Variants in FAM135B observed in about 807,000 individuals in gnomAD.
FAM135B encodes family with sequence similarity 135 member B.
In FAM135B, 43 loss-of-function variants were observed where a neutral mutation model predicts 127.7. That is an observed-to-expected ratio of 0.34 (90% CI 0.26 to 0.43). FAM135B has a LOEUF of 0.43. Among genes scored for constraint, FAM135B ranks in the 20% least tolerant of loss-of-function variants. FAM135B has a pLI of 1.00. For synonymous variants in FAM135B, 670 were observed against 665.1 expected (o/e 1.01, Z -0.11); for missense variants, 1,558 against 1,725.6 (o/e 0.90, Z 1.72).
At chr8:138,332,658 G>A (rs1322297000) in intron 2 of FAM135B, among the ~76,000 whole-genome samples, 6 of 151,974 alleles carry the variant, frequency 3.9e-5, no homozygotes, top group South Asian at 2.1e-4. Context: ...AAGCAGGGGC[G>A]TGTGGTGCAT....
chr8:138,405,026 A>G (rs1309256204), intron 1 of FAM135B, among the ~76,000 whole-genome samples: 2 of 152,106 alleles, frequency 1.3e-5, no homozygotes, highest in African/African-American at 4.8e-5. Context: ...AGGAATCACT[A>G]CCTATTGCAG....
At chr8:138,191,507 A>G (rs1257320505) in intron 9 of FAM135B, among the ~76,000 whole-genome samples, 1 of 152,160 alleles carries the variant, frequency 6.6e-6, no homozygotes, top group African/African-American at 2.4e-5. Context: ...TCTAGGTGCC[A>G]GGAGCCCTTC....
chr8:138,163,435 C>T (rs932196114), intron 12 of FAM135B, among the ~76,000 whole-genome samples: 2 of 152,110 alleles, frequency 1.3e-5, no homozygotes, highest in African/African-American at 4.8e-5. Context: ...TGTCCCCACC[C>T]AAACCTTATC....
chr8:138,223,975 A>G (rs1819219404), intron 7 of FAM135B, among the ~76,000 whole-genome samples: 1 of 152,132 alleles, frequency 6.6e-6, no homozygotes, highest in South Asian at 2.1e-4. Context: ...AGTGGGAGCT[A>G]AACATTGGGT....
chr8:138,489,771 C>A (rs928161040), intron 1 of FAM135B, among the ~76,000 whole-genome samples: 1 of 152,150 alleles, frequency 6.6e-6, no homozygotes, highest in Non-Finnish European at 1.5e-5. Flanking sequence ...ACTCTCTCAA[C>A]CCCTGCTCTC....
chr8:138,218,136 T>TA (rs1427038339), intron 7 of FAM135B, among the ~76,000 whole-genome samples: 1 of 152,172 alleles, frequency 6.6e-6, no homozygotes, highest in Non-Finnish European at 1.5e-5. Context: ...AATGAGACTT[T>TA]AGGGGAAAAT....
intron 9 of FAM135B, among the ~76,000 whole-genome samples, chr8:138,189,814 G>T (rs941923709): frequency 2.0e-5 from 3 of 152,162 alleles, no homozygotes; most frequent in Admixed American, 1.3e-4. Flanking sequence ...GCTTCAATAC[G>T]GTACCTGTAT....
In FAM135B at chr8:138,442,252, A is replaced by ATG. The variant is rs1401709440; in HGVS notation, c.-20+54418_-20+54419insCA. ...ATATGGACACCATATATATATATATATATATATATATATATATATATATAT... is the reference window on the plus strand; with the variant it reads ...ATATGGACACCATATATATATATATATGTATATATATATATATATATATATAT... On this transcript the variant is annotated intron_variant, in intron 1 of 19. Coordinates refer to ENST00000395297, the MANE Select transcript of FAM135B (RefSeq NM_015912.4). 5.1e-5 allele frequency among the ~76,000 whole-genome samples: 6 copies of ATG among 118,028 alleles called. 1 individual carries two copies. Among genetic ancestry groups the ATG allele is most frequent in the Admixed American group, 2.5e-4 (3 of 11,838 alleles). 77.4% of individuals were successfully genotyped at this position (118,028 alleles called of 152,430 possible). A position where few individuals can be genotyped will look rare whatever the true frequency, so the allele number is the denominator to read the frequency against.
At chr8:138,385,819 A>G (rs548597313) in intron 1 of FAM135B, among the ~76,000 whole-genome samples, 4 of 152,274 alleles carry the variant, frequency 2.6e-5, no homozygotes, top group Non-Finnish European at 5.9e-5. Context: ...AAACAAAAAC[A>G]ATAACAAAAT....
chr8:138,151,949 G>A lies in FAM135B; in HGVS notation c.2526C>T (p.Pro842=), dbSNP rs3750306. 591,928 of 1,613,772 alleles carry A rather than the reference G, an allele frequency of 0.37. 112,101 individuals are homozygous for A. Among genetic ancestry groups the A allele is most frequent in the East Asian group, 0.55 (24,606 of 44,844 alleles). ...IVLDADNQQG[P]GYIDIPKGKG... Reference sequence around the variant, plus strand: ...TCCCTTTGGGGATGTCTATGTATCCGGGGCCCTGCTGGTTGTCAGCATCTA... The same window carrying A: ...TCCCTTTGGGGATGTCTATGTATCCAGGGCCCTGCTGGTTGTCAGCATCTA... The change falls in exon 13 of 20, where the codon CCC becomes CCT. Residue 842 remains proline (P), a synonymous_variant. Transcript: ENST00000395297.
At chr8:138,211,127 A>T (rs1818109546) in intron 7 of FAM135B, among the ~76,000 whole-genome samples, 2 of 152,200 alleles carry the variant, frequency 1.3e-5, no homozygotes, top group South Asian at 4.1e-4. Context: ...AGATCAGGCT[A>T]TTCTAAGGGA....
At chr8:138,425,967 A>ATATATATATG (rs1834823173) in intron 1 of FAM135B, among the ~76,000 whole-genome samples, 6 of 4,252 alleles carry the variant, frequency 1.4e-3, no homozygotes, top group Middle Eastern at 0.062. Flanking sequence ...AGGCCAACAT[A>ATATATATATG]TATATATATA....
chr8:138,391,376 C>T (rs1269364784), intron 1 of FAM135B, among the ~76,000 whole-genome samples: 1 of 149,782 alleles, frequency 6.7e-6, no homozygotes, highest in Non-Finnish European at 1.5e-5. Flanking sequence ...GTCCCAGCTC[C>T]CTCCTTTCAC....
chr8:138,425,992 T>TATATATATAC (rs1834831040), intron 1 of FAM135B, among the ~76,000 whole-genome samples: 1 of 15,922 alleles, frequency 6.3e-5, no homozygotes, highest in African/African-American at 6.4e-4. Context: ...TATATATATA[T>TATATATATAC]ATATATATAT....
chr8:138,245,022 A>C (rs1821167614), intron 6 of FAM135B, among the ~76,000 whole-genome samples: 2 of 152,166 alleles, frequency 1.3e-5, no homozygotes, highest in African/African-American at 4.8e-5. Context: ...CACAAACTTA[A>C]AGGGTTCCCT....
chr8:138,321,917 TACAAGAG>T (rs925128223), intron 2 of FAM135B, among the ~76,000 whole-genome samples: 1 of 152,084 alleles, frequency 6.6e-6, no homozygotes, highest in Admixed American at 6.6e-5. Context: ...CCTCAGGAAT[TACAAGAG>T]AGCTGCACAT....
Position 138,278,331 on chromosome 8 carries a change from C to T in FAM135B, c.158-12489G>A, listed in dbSNP as rs977530547. ...GTCTGAGAAAATTCTACATCCACTACCTGAAAGTCACAGTGTCATCTGCAT... is the reference window on the plus strand; with the variant it reads ...GTCTGAGAAAATTCTACATCCACTATCTGAAAGTCACAGTGTCATCTGCAT... On this transcript the variant is annotated intron_variant, in intron 3 of 19. Transcript: ENST00000395297. Among the ~76,000 whole-genome samples the T allele has an allele frequency of 7.9e-5, 12 of 151,638 alleles. No homozygotes were observed. In the South Asian group the frequency reaches 2.3e-3, roughly 29 times the overall value.
At chr8:138,400,768 T>A (rs2131363155) in intron 1 of FAM135B, among the ~76,000 whole-genome samples, 1 of 152,278 alleles carries the variant, frequency 6.6e-6, no homozygotes. Context: ...TAGGGAAGTG[T>A]CCCATCCCCC....
chr8:138,159,476 CTA>C (rs1414397738), intron 12 of FAM135B, among the ~76,000 whole-genome samples: 5 of 151,058 alleles, frequency 3.3e-5, no homozygotes, highest in Middle Eastern at 3.4e-3. Context: ...AAGCTGGAAA[CTA>C]TCATTCTGAG....
Sources: allele counts gnomAD v4.1 joint callset (sites outside exome capture counted in the v4.1 genomes callset), GRCh38; gene constraint gnomAD v4.1.1; transcripts MANE v1.5; gene names NCBI Gene and HGNC (gene_info 2026-07-23, HGNC 2026-07-21).